CUX1: variants seen among roughly 807,000 people sequenced by gnomAD.
CUX1 encodes the protein cut like homeobox 1.
A neutral mutation model predicts 158.8 loss-of-function variants in CUX1; 31 were observed. The ratio of observed to expected loss-of-function variants is 0.20; its 90% CI spans 0.15 to 0.26. The LOEUF is 0.26. CUX1 is among the 10% of genes least tolerant of loss of function. The pLI is 1.00. For missense variants in CUX1, 1,589 were observed against 2,014.6 expected (o/e 0.79, Z 4.04); for synonymous variants, 879 against 862.1 (o/e 1.02, Z -0.34).
Position 102,021,563 on chromosome 7 carries a change from C to T in CUX1, c.142-6535C>T, listed in dbSNP as rs188727528. On this transcript the variant is annotated intron_variant, in intron 2 of 23. Coordinates refer to ENST00000292535, the MANE Select transcript of CUX1 (RefSeq NM_181552.4). ...GCTCAAGCAATCCTCCTGCCTTGGC[C>T]TCCCAAAGTGCTGGGATTACAGTTG... 1.3e-3 allele frequency among the ~76,000 whole-genome samples: 197 copies of T among 151,840 alleles called. 2 individuals are homozygous for T. Among genetic ancestry groups the T allele is most frequent in the South Asian group, 2.3e-3 (11 of 4,798 alleles).
At chr7:101,876,789 T>C (rs1205166201) in intron 1 of CUX1, among the ~76,000 whole-genome samples, 1 of 152,118 alleles carries the variant, frequency 6.6e-6, no homozygotes, top group Non-Finnish European at 1.5e-5. Context: ...TGTTACATGG[T>C]TTTCCACTAT....
intron 3 of CUX1, among the ~76,000 whole-genome samples, chr7:102,038,067 A>G (rs1821658568): frequency 6.6e-6 from 1 of 150,948 alleles, no homozygotes; most frequent in South Asian, 2.1e-4. Context: ...AAAAAAGCAG[A>G]AAGATAAGGC....
chr7:102,229,356 G>A (rs1554529820), intron 21 of CUX1, among the ~76,000 whole-genome samples: 1 of 149,732 alleles, frequency 6.7e-6, no homozygotes, highest in Non-Finnish European at 1.5e-5. Flanking sequence ...AGGCTGGAGT[G>A]CAGTGGCGCA....
At chr7:101,825,581 C>T (rs937045311) in intron 1 of CUX1, among the ~76,000 whole-genome samples, 5 of 152,166 alleles carry the variant, frequency 3.3e-5, no homozygotes, top group Non-Finnish European at 7.3e-5. Context: ...CGCAGTTTGT[C>T]ATCCCGCAGT....
chr7:101,877,258 CTGT>C lies in CUX1; in HGVS notation c.31-38851_31-38849del, dbSNP rs540815210. On this transcript the variant is annotated intron_variant, in intron 1 of 23. Transcript: ENST00000292535. ...TCCTATCTGCCTACCTCCCCACCCA[CTGT>C]TGTTGATTTTTTGGTGTGTATCCTT... Among the ~76,000 whole-genome samples, 49 of 152,370 alleles carry C rather than the reference CTGT, an allele frequency of 3.2e-4. 1 individual carries two copies. The South Asian group carries it at 9.5e-3, about 30-fold the overall frequency.
chr7:101,817,429 G>A (rs1791976128), upstream of CUX1: 1 of 984,532 alleles, frequency 1.0e-6, no homozygotes, highest in African/African-American at 1.7e-5. This position sits in a 1 kb window ranked among gnomAD's most constrained non-coding sequence, Gnocchi z 4.1. Context: ...ACCGTGGCAT[G>A]CCGGGCGGTG....
intron 2 of CUX1, among the ~76,000 whole-genome samples, chr7:102,004,758 G>A (rs1473641987): frequency 1.3e-5 from 2 of 151,922 alleles, no homozygotes; most frequent in South Asian, 2.1e-4. Flanking sequence ...ATCCTCACAG[G>A]GCCACACACC....
chr7:102,058,263 C>T (rs560882341), intron 3 of CUX1, among the ~76,000 whole-genome samples: 1 of 152,026 alleles, frequency 6.6e-6, no homozygotes, highest in Non-Finnish European at 1.5e-5. Flanking sequence ...AATATTTGCT[C>T]TTTTTGTCAT....
intron 1 of CUX1, among the ~76,000 whole-genome samples, chr7:101,834,877 T>C (rs905134297): frequency 6.6e-5 from 10 of 151,960 alleles, no homozygotes; most frequent in Non-Finnish European, 1.3e-4. Flanking sequence ...GCGCTTGTAA[T>C]CCCAGCTACT....
At chr7:102,113,352 C>T (rs1831127673) in intron 7 of CUX1, among the ~76,000 whole-genome samples, 1 of 152,062 alleles carries the variant, frequency 6.6e-6, no homozygotes, top group African/African-American at 2.4e-5. Context: ...GATTCTTCTG[C>T]CCCAGGTTCA....
intron 18 of CUX1, among the ~76,000 whole-genome samples, chr7:102,279,303 T>C (rs1450834045): frequency 6.6e-6 from 1 of 152,162 alleles, no homozygotes; most frequent in Non-Finnish European, 1.5e-5. Context: ...GTCACACCAT[T>C]GCACTCCAGC....
At chr7:102,109,236 C>G (rs778682271) in intron 6 of CUX1, among the ~76,000 whole-genome samples, 2 of 152,018 alleles carry the variant, frequency 1.3e-5, no homozygotes, top group South Asian at 4.1e-4. Context: ...CCATGTAAGA[C>G]AAAAGGCTAA....
intron 4 of CUX1, among the ~76,000 whole-genome samples, chr7:102,085,441 G>A (rs1453701563): frequency 6.6e-6 from 1 of 152,128 alleles, no homozygotes; most frequent in Non-Finnish European, 1.5e-5. Context: ...TCATGGGGGT[G>A]GTTATCCCCA....
chr7:102,243,008 T>C (rs1025557695), intron 23 of CUX1, among the ~76,000 whole-genome samples: 39 of 152,304 alleles, frequency 2.6e-4, no homozygotes, highest in African/African-American at 8.9e-4. Flanking sequence ...GTGTGGTAGC[T>C]TATGCCCGTA....
chr7:102,050,624 A>C (rs1391413583), intron 3 of CUX1, among the ~76,000 whole-genome samples: 1 of 152,120 alleles, frequency 6.6e-6, no homozygotes, highest in East Asian at 1.9e-4. Flanking sequence ...ACCAGCCCCT[A>C]GTTGCCCTGG....
At chr7:102,057,616 G>A (rs1481563873) in intron 3 of CUX1, among the ~76,000 whole-genome samples, 1 of 152,122 alleles carries the variant, frequency 6.6e-6, no homozygotes, top group African/African-American at 2.4e-5. Context: ...GCAGATGCGG[G>A]GGAAATAGCA....
At chr7:101,907,013 G>A (rs1208048544) in intron 1 of CUX1, among the ~76,000 whole-genome samples, 3 of 152,204 alleles carry the variant, frequency 2.0e-5, no homozygotes, top group South Asian at 2.1e-4. Context: ...CCAGAACACT[G>A]TGGCCATCAT....
Position 102,195,566 on chromosome 7 carries a change from G to A in CUX1, c.1185G>A (p.Glu395=). The A allele has an allele frequency of 6.2e-7, 1 of 1,612,806 alleles. No individual in the cohort carries two copies. The highest frequency in any genetic ancestry group is 8.5e-7 in the Non-Finnish European group (1 of 1,179,820). ...AGAAGAACCGCTCGCTGCAGTCCGA[G>A]AACGCCGCGCTGCGCATCTCCAACA... ...LLEKNRSLQS[E]NAALRISNSD... is the part of the protein sequence containing the mutation. The change falls in exon 14 of 24, where the codon GAG becomes GAA. Residue 395 remains glutamate, a synonymous_variant. Coordinates refer to ENST00000292535, the MANE Select transcript of CUX1 (RefSeq NM_181552.4).
chr7:102,059,381 C>A (rs1051601626), intron 3 of CUX1, among the ~76,000 whole-genome samples: 3 of 152,128 alleles, frequency 2.0e-5, no homozygotes, highest in African/African-American at 7.2e-5. Flanking sequence ...CACCTGTAAT[C>A]CCAGCACTTT....
Sources: allele counts gnomAD v4.1 joint callset (sites outside exome capture counted in the v4.1 genomes callset), GRCh38; gene constraint gnomAD v4.1.1; non-coding constraint Gnocchi (gnomAD v3.1); transcripts MANE v1.5; gene names NCBI Gene and HGNC (gene_info 2026-07-23, HGNC 2026-07-21).